ZNF251: variants seen among roughly 807,000 people sequenced by gnomAD.
ZNF251 encodes zinc finger protein 251.
In ZNF251, 14 loss-of-function variants were observed where a neutral mutation model predicts 13.5. That is an observed-to-expected ratio of 1.04 (90% confidence interval 0.69 to 1.63). The LOEUF (loss-of-function observed/expected upper bound fraction) is 1.63, where lower values mean the gene tolerates loss of function less well. ZNF251 is among the 40% of genes most tolerant of loss of function. The pLI, the probability that ZNF251 is intolerant of heterozygous loss-of-function variation, is 0.00. For synonymous variants in ZNF251, 287 were observed against 295.2 expected (o/e 0.97, Z 0.28); for missense variants, 764 against 834.9 (o/e 0.92, Z 1.05).
chr8:144,733,732 TTCA>T (rs1238333317), intron 4 of ZNF251, among the ~76,000 whole-genome samples: 5 of 152,208 alleles, frequency 3.3e-5, no homozygotes, highest in Admixed American at 2.6e-4. Flanking sequence ...CCATGTGGCC[TTCA>T]GGCGTGCCGT....
At chr8:144,732,774 T>C (rs999010344) in intron 4 of ZNF251, among the ~76,000 whole-genome samples, 3 of 141,188 alleles carry the variant, frequency 2.1e-5, no homozygotes, top group Non-Finnish European at 3.0e-5. Flanking sequence ...ATCGCACCAC[T>C]GCACTCCAGC....
chr8:144,744,815 G>A (rs554902137), intron 4 of ZNF251, among the ~76,000 whole-genome samples: 21 of 152,174 alleles, frequency 1.4e-4, no homozygotes, highest in Non-Finnish European at 2.8e-4. Context: ...CAGCACTTTG[G>A]GAAGCCGAGG....
chr8:144,728,939 T>G (rs1263588424), intron 4 of ZNF251, among the ~76,000 whole-genome samples: 1 of 151,284 alleles, frequency 6.6e-6, no homozygotes, highest in Non-Finnish European at 1.5e-5. Flanking sequence ...AAATACAAAA[T>G]TAGCCAGGCA....
At chr8:144,750,377 C>T (rs1204036689) in intron 4 of ZNF251, among the ~76,000 whole-genome samples, 2 of 152,136 alleles carry the variant, frequency 1.3e-5, no homozygotes, top group African/African-American at 4.8e-5. Context: ...CTATGAACTT[C>T]CCAAGTGCTT....
intron 4 of ZNF251, among the ~76,000 whole-genome samples, chr8:144,730,835 GC>G (rs1428676652): frequency 6.6e-6 from 1 of 152,198 alleles, no homozygotes; most frequent in Non-Finnish European, 1.5e-5. Context: ...GCTCACCACT[GC>G]CCCTTCAAAG....
intron 4 of ZNF251, among the ~76,000 whole-genome samples, chr8:144,744,246 G>A (rs538849622): frequency 5.3e-5 from 8 of 151,824 alleles, no homozygotes; most frequent in Non-Finnish European, 8.8e-5. Flanking sequence ...TCCTGACCTC[G>A]GGTGATCTGC....
In ZNF251 at chr8:144,755,516, G is replaced by T. The variant is rs1824927612; in HGVS notation, c.-187C>A. ...CCGGGTCCAGAGCCGGGGAGGGGGC[G>T]GGCTAGGATGAAGAGGGCGGGCCGG... On this transcript the variant is annotated 5_prime_UTR_variant, in exon 1 of 5. Transcript: ENST00000292562. The T allele has an allele frequency of 1.6e-6, 2 of 1,286,132 alleles. No individual in the cohort carries two copies. Among genetic ancestry groups the T allele is most frequent in the African/African-American group, 1.5e-5 (1 of 65,742 alleles). The allele number at this position is 1,286,132 out of a possible 1,614,324, so 79.7% of individuals were successfully genotyped here.
chr8:144,741,377 CACACTCACAT>C (rs1824160252), intron 4 of ZNF251, among the ~76,000 whole-genome samples: 2 of 152,334 alleles, frequency 1.3e-5, no homozygotes, highest in South Asian at 2.1e-4. Context: ...CACACTCACA[CACACTCACAT>C]GCGTAAACAT....
intron 2 of ZNF251, 150 bp from the exon 3 acceptor site, chr8:144,754,471 G>C (rs758892500): frequency 7.6e-6 from 11 of 1,444,442 alleles, no homozygotes; most frequent in Non-Finnish European, 1.0e-5. Flanking sequence ...GGGCAGCTGA[G>C]AGCGCTGAGG....
At chr8:144,724,757 A>G (rs1348262257) in intron 4 of ZNF251, among the ~76,000 whole-genome samples, 2 of 152,240 alleles carry the variant, frequency 1.3e-5, no homozygotes, top group Non-Finnish European at 2.9e-5. Context: ...TATAATAGAA[A>G]GATATATAAT....
chr8:144,749,611 T>C (rs150249035), intron 4 of ZNF251, among the ~76,000 whole-genome samples: 491 of 152,390 alleles, frequency 3.2e-3, no homozygotes, highest in African/African-American at 0.011. Context: ...CATACTCTTC[T>C]ACCTTTTGTG....
chr8:144,745,825 G>A (rs1824400686), intron 4 of ZNF251, among the ~76,000 whole-genome samples: 1 of 151,990 alleles, frequency 6.6e-6, no homozygotes, highest in African/African-American at 2.4e-5. Context: ...CTGGATTATA[G>A]GCATAAACCA....
At chr8:144,725,903 G>C (rs1464527751) in intron 4 of ZNF251, among the ~76,000 whole-genome samples, 1 of 152,092 alleles carries the variant, frequency 6.6e-6, no homozygotes, top group South Asian at 2.1e-4. Flanking sequence ...TTTATTTCAA[G>C]AATGCAGTGT....
chr8:144,725,490 A>G (rs1393867645), intron 4 of ZNF251, among the ~76,000 whole-genome samples: 1 of 150,148 alleles, frequency 6.7e-6, no homozygotes, highest in East Asian at 2.0e-4. Flanking sequence ...ACAGGGTCTC[A>G]CTGTGTTGCC....
chr8:144,740,336 T>C (rs1358264756), intron 4 of ZNF251, among the ~76,000 whole-genome samples: 2 of 149,964 alleles, frequency 1.3e-5, no homozygotes, highest in Admixed American at 6.7e-5. Context: ...AGTTTTGTTG[T>C]GTTTTAACTT....
At chr8:144,726,054 G>A (rs924124074) in intron 4 of ZNF251, among the ~76,000 whole-genome samples, 1 of 151,792 alleles carries the variant, frequency 6.6e-6, no homozygotes, top group South Asian at 2.1e-4. Flanking sequence ...AAAATTAGCT[G>A]GGTGTGATGA....
Position 144,722,277 on chromosome 8 carries a change from G to C in ZNF251, c.1383C>G (p.Tyr461Ter). 6.2e-7 allele frequency: 1 copy of C among 1,613,524 alleles called. No individual in the cohort carries two copies. Among genetic ancestry groups the C allele is most frequent in the Non-Finnish European group, 8.5e-7 (1 of 1,179,844 alleles). Reference protein sequence around the residue: ...HRRVHTGEKPYQCVECGKAFS... With the variant: ...HRRVHTGEKP The stretch of plus-strand genomic sequence containing the variant: ...AAGCTTTCCCACATTCAACGCACTG[G>C]TAGGGCTTCTCCCCAGTGTGAACTC... Residue 461 changes from tyrosine (Y) to a stop codon, truncating the protein, a stop_gained, in exon 5 of 5, where the codon TAC (tyrosine) becomes TAG (stop). Coordinates refer to ENST00000292562, the MANE Select transcript of ZNF251 (RefSeq NM_138367.2). LOFTEE classifies it low-confidence loss of function (END_TRUNC). This position sits in a 1 kb window ranked among gnomAD's most constrained non-coding sequence, Gnocchi z 4.8.
intron 4 of ZNF251, among the ~76,000 whole-genome samples, chr8:144,740,686 C>T (rs1824117511): frequency 6.6e-6 from 1 of 152,012 alleles, no homozygotes; most frequent in African/African-American, 2.4e-5. Flanking sequence ...GTAATCCCAG[C>T]ACTTTGGGAG....
chr8:144,722,030 C>T lies in ZNF251; in HGVS notation c.1630G>A (p.Gly544Ser), dbSNP rs370378830. 2.9e-5 allele frequency: 46 copies of T among 1,610,126 alleles called. No homozygotes were observed. In the Admixed American group the frequency reaches 3.5e-4, roughly 12 times the overall value. The part of the protein sequence containing the change: ...DGQIPTGEKH[G>S]RAFNHGANLI... The stretch of plus-strand genomic sequence containing the variant: ...TTTGCACCATGGTTAAAGGCTCTGC[C>T]GTGCTTCTCTCCAGTGGGAATCTGT... Residue 544 changes from glycine to serine, a missense_variant, in exon 5 of 5, where the codon GGC (glycine) becomes AGC (serine). Gly to Ser is a moderately conservative substitution (Grantham distance 56, BLOSUM62 0). Transcript: ENST00000292562. This position sits in a 1 kb window ranked among gnomAD's most constrained non-coding sequence, Gnocchi z 4.8.
Sources: gnomAD v4.1 joint callset for allele counts (sites outside exome capture counted in the v4.1 genomes callset) on GRCh38, gnomAD v4.1.1 for gene constraint, Gnocchi (gnomAD v3.1) non-coding constraint, MANE v1.5 for transcripts, NCBI Gene and HGNC (gene_info 2026-07-23, HGNC 2026-07-21) for gene names.